Variants in CD200 observed in about 807,000 individuals in gnomAD.
CD200 encodes OX-2 membrane glycoprotein.
A neutral mutation model predicts 30.9 loss-of-function variants in CD200; 15 were observed. The observed-to-expected ratio is 0.49, with a 90% CI of 0.32 to 0.75. CD200 has a LOEUF of 0.75. Ranked by LOEUF, CD200 falls within the 30% of genes least tolerant of loss-of-function variation. The probability of loss-of-function intolerance (pLI) is 0.03; values close to 1 mark genes in which losing one functional copy is unlikely to be tolerated. For synonymous variants in CD200, 134 were observed against 126.2 expected (o/e 1.06, Z -0.41); for missense variants, 262 against 324.2 (o/e 0.81, Z 1.47).
At chr3:112,333,719 T>C (rs2081050058) in intron 1 of CD200, 1 of 985,308 alleles carries the variant, frequency 1.0e-6, no homozygotes, top group South Asian at 4.7e-5. Flanking sequence ...CTCCTGCGTC[T>C]CCTCTTTGTT....
intron 2 of CD200, among the ~76,000 whole-genome samples, chr3:112,343,036 G>T (rs2081304035): frequency 6.6e-6 from 1 of 151,930 alleles, no homozygotes; most frequent in South Asian, 2.1e-4. Flanking sequence ...TTTAGTATGA[G>T]TTATTGGGTT....
intron 5 of CD200, among the ~76,000 whole-genome samples, chr3:112,351,037 C>T (rs115304819): frequency 2.4e-3 from 368 of 152,276 alleles, no homozygotes; most frequent in African/African-American, 8.4e-3. Flanking sequence ...GCCTGTGGAA[C>T]TCATAAGTGC....
rs905538511 is a variant in CD200 at position 112,346,310 on chromosome 3, G to C, written c.421+1022G>C. On this transcript the variant is annotated intron_variant, in intron 3 of 5. Coordinates refer to ENST00000315711, the MANE Select transcript of CD200 (RefSeq NM_005944.7). ...TCCTCCTAATTTTTCTTTTTTTCTT[G>C]TGTCATATTTTTCTCATTTCTGTTC... Among the ~76,000 whole-genome samples, 10 of 139,968 alleles carry C rather than the reference G, an allele frequency of 7.1e-5. No individual in the cohort carries two copies. The East Asian group carries it at 2.1e-3, about 29-fold the overall frequency. 91.8% of individuals were successfully genotyped at this position (139,968 alleles called of 152,430 possible).
chr3:112,355,996 C>A (rs1237436182), intron 5 of CD200, among the ~76,000 whole-genome samples: 4 of 152,126 alleles, frequency 2.6e-5, no homozygotes, highest in South Asian at 2.1e-4. Context: ...TTTTGTACTA[C>A]AAACATGCAA....
chr3:112,335,376 C>G (rs61165234), intron 1 of CD200, among the ~76,000 whole-genome samples: 1,561 of 152,138 alleles, frequency 0.01, 28 homozygotes, highest in African/African-American at 0.035. Flanking sequence ...AGAGAAGTCA[C>G]AAGGAAGGGA....
chr3:112,358,247 C>G (rs1342385061), intron 5 of CD200, among the ~76,000 whole-genome samples: 1 of 152,152 alleles, frequency 6.6e-6, no homozygotes, highest in Non-Finnish European at 1.5e-5. Flanking sequence ...ACACAGTGGT[C>G]CTGGATGGGA....
intron 1 of CD200, among the ~76,000 whole-genome samples, chr3:112,337,208 G>A (rs2081137446): frequency 6.6e-6 from 1 of 152,160 alleles, no homozygotes; most frequent in South Asian, 2.1e-4. Flanking sequence ...GACAAAGGGA[G>A]ATGGGACCCC....
chr3:112,341,088 T>C, intron 2 of CD200, 105 bp downstream of exon 2: 1 of 695,148 alleles, frequency 1.4e-6, no homozygotes, highest in Non-Finnish European at 2.5e-6. Flanking sequence ...TTTGTCTGCA[T>C]GAATTATTTA....
Position 112,345,140 on chromosome 3 carries a change from G to A in CD200, c.273G>A (p.Lys91=). Residue 91 remains lysine, a synonymous_variant, in exon 3 of 6, where the codon AAG becomes AAA. Coordinates refer to ENST00000315711, the MANE Select transcript of CD200 (RefSeq NM_005944.7). ...NHGVVIQPAY[K]DKINITQLGL... is the part of the protein sequence containing the mutation. ...GGGTGGTGATCCAGCCTGCCTATAA[G>A]GACAAGATAAACATTACCCAGCTGG... The A allele has an allele frequency of 6.2e-7, 1 of 1,614,050 alleles. No individual in the cohort carries two copies. Among genetic ancestry groups the A allele is most frequent in the Non-Finnish European group, 8.5e-7 (1 of 1,179,984 alleles).
chr3:112,342,314 T>C (rs201279523), intron 2 of CD200, among the ~76,000 whole-genome samples: 6,580 of 19,994 alleles, frequency 0.33, 1,783 homozygotes, highest in Middle Eastern at 0.47. Context: ...TCCTTTCTTC[T>C]TTCTTTCTTT....
intron 1 of CD200, chr3:112,334,192 A>G: frequency 3.0e-6 from 3 of 985,420 alleles, no homozygotes; most frequent in Non-Finnish European, 3.6e-6. Context: ...AAAGGCTGAT[A>G]TTTCCAAGTC....
intron 5 of CD200, among the ~76,000 whole-genome samples, chr3:112,359,949 G>C (rs2081705097): frequency 6.6e-6 from 1 of 152,222 alleles, no homozygotes; most frequent in Non-Finnish European, 1.5e-5. Context: ...CCTTCAAGGA[G>C]AGAATAATCC....
chr3:112,361,698 A>C lies in CD200; in HGVS notation c.*148A>C. The C allele has an allele frequency of 1.3e-6, 1 of 758,992 alleles. No homozygotes were observed. The allele number at this position is 758,992 out of a possible 1,614,324, so 47.0% of individuals were successfully genotyped here. On this transcript the variant is annotated 3_prime_UTR_variant, in exon 6 of 6. Coordinates refer to ENST00000315711, the MANE Select transcript of CD200 (RefSeq NM_005944.7). The stretch of plus-strand genomic sequence containing the variant: ...AGCCTTAAGGATCCCACGACTTTTT[A>C]CTGCCATCTGAGCTACTCAGTGTTT...
At chr3:112,348,341 T>C (rs2081450833) in intron 4 of CD200, among the ~76,000 whole-genome samples, 1 of 151,966 alleles carries the variant, frequency 6.6e-6, no homozygotes, top group Admixed American at 6.6e-5. Context: ...ACATCTGTGA[T>C]GAAATCACTG....
At chr3:112,347,332 G>C (rs1029047869) in intron 3 of CD200, among the ~76,000 whole-genome samples, 2 of 152,144 alleles carry the variant, frequency 1.3e-5, no homozygotes, top group African/African-American at 2.4e-5. Context: ...TTACAGAAAG[G>C]GTCTTTCTCA....
At chr3:112,358,847 T>C (rs2081679800) in intron 5 of CD200, among the ~76,000 whole-genome samples, 1 of 151,970 alleles carries the variant, frequency 6.6e-6, no homozygotes. Context: ...CTATTTTTGT[T>C]CCCTCATACC....
At chr3:112,355,892 T>C (rs1177073064) in intron 5 of CD200, among the ~76,000 whole-genome samples, 1 of 143,796 alleles carries the variant, frequency 7.0e-6, no homozygotes, top group Non-Finnish European at 1.5e-5. Context: ...TAAAAGTATG[T>C]TCAGTACAAT....
chr3:112,340,644 G>A (rs2081217787), intron 1 of CD200, among the ~76,000 whole-genome samples: 1 of 152,122 alleles, frequency 6.6e-6, no homozygotes, highest in South Asian at 2.1e-4. Context: ...TGACAATGGT[G>A]GCTTCAGGAG....
intron 1 of CD200, among the ~76,000 whole-genome samples, chr3:112,337,745 T>C (rs2081151028): frequency 6.6e-6 from 1 of 152,162 alleles, no homozygotes. Context: ...AGATGATTAA[T>C]AATAGAATAA....
Sources: allele counts gnomAD v4.1 joint callset (sites outside exome capture counted in the v4.1 genomes callset), GRCh38; gene constraint gnomAD v4.1.1; transcripts MANE v1.5; gene names NCBI Gene and HGNC (gene_info 2026-07-23, HGNC 2026-07-21).